The following LMX1B variants were observed in gnomAD, a reference collection of about 807,000 sequenced individuals.
The protein encoded by LMX1B is LIM homeobox transcription factor 1-beta.
Under a neutral mutation model 51.4 loss-of-function variants are expected in LMX1B, and 12 were observed. The ratio of observed to expected loss-of-function variants is 0.23; its 90% CI spans 0.15 to 0.38. The LOEUF is 0.38. Among genes scored for constraint, LMX1B ranks in the 10% least tolerant of loss-of-function variants. LMX1B has a pLI of 1.00. For missense variants in LMX1B, 445 were observed against 571.1 expected, an observed-to-expected ratio of 0.78 and a Z score of 2.25; for synonymous variants, 237 against 235.4, an observed-to-expected ratio of 1.01 and a Z score of -0.06.
intron 2 of LMX1B, among the ~76,000 whole-genome samples, chr9:126,633,719 C>T (rs1038328948): frequency 1.3e-5 from 2 of 152,202 alleles, no homozygotes; most frequent in South Asian, 2.1e-4. Context: ...CATGGTTATA[C>T]AGCACGCACA....
intron 2 of LMX1B, among the ~76,000 whole-genome samples, chr9:126,667,215 A>G (rs1253752495): frequency 6.6e-6 from 1 of 152,186 alleles, no homozygotes. Context: ...GATGGGATCC[A>G]TATTTCCTCT....
rs530102495 is a variant in LMX1B at position 126,682,027 on chromosome 9, T to TCA, written c.327-8807_327-8806dup. 7.8e-3 allele frequency among the ~76,000 whole-genome samples: 1,066 copies of TCA among 136,634 alleles called. 22 individuals carry two copies. Among genetic ancestry groups the TCA allele is most frequent in the Non-Finnish European group, 0.012 (768 of 64,022 alleles). The allele number at this position is 136,634 out of a possible 152,430, so 89.6% of individuals were successfully genotyped here. On this transcript the variant is annotated intron_variant, in intron 2 of 7. Coordinates refer to ENST00000373474, the MANE Select transcript of LMX1B (RefSeq NM_001174147.2). ...CAGCTCTACCTGCACCTTGTCCCCA[T>TCA]CACTCATCTGCTCCAGCCACACCCC...
Position 126,638,388 on chromosome 9 carries a change from C to T in LMX1B, c.326+22819C>T, listed in dbSNP as rs1225270079. The stretch of plus-strand genomic sequence containing the variant: ...TCCCTGCAGCCTCTGCACCACCCTG[C>T]AGCCCAGGAGGCCAGTGCCCTCCCT... On this transcript the variant is annotated intron_variant, in intron 2 of 7. Coordinates refer to ENST00000373474, the MANE Select transcript of LMX1B (RefSeq NM_001174147.2). Among the ~76,000 whole-genome samples, 3 of 152,010 alleles carry T rather than the reference C, an allele frequency of 2.0e-5. No individual in the cohort carries two copies. The South Asian group carries it at 6.2e-4, about 31-fold the overall frequency.
chr9:126,622,081 G>A (rs1835426709), intron 2 of LMX1B, among the ~76,000 whole-genome samples: 1 of 152,174 alleles, frequency 6.6e-6, no homozygotes, highest in Non-Finnish European at 1.5e-5. Context: ...CTGACCTTGG[G>A]GCCCCAAAGG....
In LMX1B at chr9:126,671,705, A is replaced by G. The variant is rs1370431467; in HGVS notation, c.327-19131A>G. On this transcript the variant is annotated intron_variant, in intron 2 of 7. Coordinates refer to ENST00000373474, the MANE Select transcript of LMX1B (RefSeq NM_001174147.2). The surrounding 1 kb of genome is among the most constrained non-coding windows in gnomAD (Gnocchi z 4.4). Reference sequence around the variant, plus strand: ...CTGTGCCGAGCGGTGGAATTTTTCAATAACCAGCAGCTGGGTCACCAGGCA... The same window carrying G: ...CTGTGCCGAGCGGTGGAATTTTTCAGTAACCAGCAGCTGGGTCACCAGGCA... Among the ~76,000 whole-genome samples, 3 of 152,034 alleles carry G rather than the reference A, an allele frequency of 2.0e-5. No homozygotes were observed. The highest frequency in any genetic ancestry group is 4.8e-5 in the African/African-American group (2 of 41,400).
Position 126,693,574 on chromosome 9 carries a change from G to C in LMX1B, c.792G>C (p.Gln264His). The change falls in exon 5 of 8, where the codon CAG (glutamine) becomes CAC (histidine). Residue 264 changes from glutamine to histidine, a missense_variant. By Grantham distance (24) the Gln-to-His change is conservative (BLOSUM62 0). Around this residue, in one of 3 missense-constraint regions of LMX1B, gnomAD observed 10 missense variants for 39.9 expected, o/e 0.25. Transcript: ENST00000373474. Reference protein sequence around the residue: ...AETGLSVRVVQVWFQNQRAKM... With the variant: ...AETGLSVRVVHVWFQNQRAKM... ...CGGGCCTCAGTGTGCGCGTGGTCCA[G>C]GTCTGGTTTCAGAACCAAAGAGCAA... 1 of 1,614,168 alleles carries C rather than the reference G, an allele frequency of 6.2e-7. No homozygotes were observed. The highest frequency in any genetic ancestry group is 8.5e-7 in the Non-Finnish European group (1 of 1,180,010).
chr9:126,696,162 T>C, intron 7 of LMX1B, 132 bp from the exon 8 acceptor site: 1 of 1,173,160 alleles, frequency 8.5e-7, no homozygotes, highest in South Asian at 1.3e-5. Context: ...GCCCCAGTCC[T>C]TCTTGGCCGG....
chr9:126,648,656 A>T (rs779019341), intron 2 of LMX1B, among the ~76,000 whole-genome samples: 3 of 152,206 alleles, frequency 2.0e-5, no homozygotes, highest in African/African-American at 4.8e-5. Flanking sequence ...AGCAAGCTGG[A>T]TGGATAGATC....
At position 126,693,797 on chromosome 9, in the gene LMX1B, C is replaced by A; in HGVS notation, c.871C>A (p.Gln291Lys). ...HQQQQEQQNS[Q>K]RLGQEVLSSR... ...GCAGCAGCAGGAGCAGCAGAACTCC[C>A]AGCGGCTGGGCCAGGGTGAGCCGGG... Residue 291 changes from glutamine to lysine, a missense_variant, in exon 6 of 8, where the codon CAG (glutamine) becomes AAG (lysine). Gln to Lys is a moderately conservative substitution (Grantham distance 53). Transcript: ENST00000373474. The A allele has an allele frequency of 7.1e-7, 1 of 1,403,684 alleles. No homozygotes were observed. The highest frequency in any genetic ancestry group is 9.8e-7 in the Non-Finnish European group (1 of 1,021,952). 87.0% of individuals were successfully genotyped at this position (1,403,684 alleles called of 1,614,324 possible). A position where few individuals can be genotyped will look rare whatever the true frequency, so the allele number is the denominator to read the frequency against.
chr9:126,617,207 G>C (rs1835319105), intron 2 of LMX1B, among the ~76,000 whole-genome samples: 1 of 151,994 alleles, frequency 6.6e-6, no homozygotes, highest in Non-Finnish European at 1.5e-5. Flanking sequence ...CCCTCTGTAG[G>C]GTGCACCAGC....
Position 126,618,735 on chromosome 9 carries a change from C to T in LMX1B, c.326+3166C>T, listed in dbSNP as rs1341581738. Among the ~76,000 whole-genome samples, 1 of 152,172 alleles carries T rather than the reference C, an allele frequency of 6.6e-6. No individual in the cohort carries two copies. Among genetic ancestry groups the T allele is most frequent in the Non-Finnish European group, 1.5e-5 (1 of 68,026 alleles). Reference sequence around the variant, plus strand: ...AACTCTCTTTTCTTGCCGTCTGTCGCTCGTCTGGAAAGGGTTTTTATCCTG... The same window carrying T: ...AACTCTCTTTTCTTGCCGTCTGTCGTTCGTCTGGAAAGGGTTTTTATCCTG... On this transcript the variant is annotated intron_variant, in intron 2 of 7. Coordinates refer to ENST00000373474, the MANE Select transcript of LMX1B (RefSeq NM_001174147.2). This position sits in a 1 kb window ranked among gnomAD's most constrained non-coding sequence, Gnocchi z 4.5.
chr9:126,657,524 A>C (rs1000418709), intron 2 of LMX1B, among the ~76,000 whole-genome samples: 2 of 152,014 alleles, frequency 1.3e-5, no homozygotes, highest in African/African-American at 4.8e-5. Flanking sequence ...TGGGGTCAGG[A>C]CTGGGGTTGG....
At chr9:126,696,040 A>T (rs1388109186) in intron 7 of LMX1B, 37 bp downstream of exon 7, 1 of 818,758 alleles carries the variant, frequency 1.2e-6, no homozygotes, top group Non-Finnish European at 1.5e-6. Flanking sequence ...GCCCCAGCAC[A>T]GCCCCTGCCC....
At chr9:126,681,188 G>A (rs1206304972) in intron 2 of LMX1B, among the ~76,000 whole-genome samples, 1 of 152,112 alleles carries the variant, frequency 6.6e-6, no homozygotes, top group Non-Finnish European at 1.5e-5. Context: ...TTGTATCTCT[G>A]GGTGTGTCTC....
rs1052540531 is a variant in LMX1B, at chr9:126,671,768, G to A, written c.327-19068G>A. 6.6e-6 allele frequency among the ~76,000 whole-genome samples: 1 copy of A among 152,124 alleles called. No individual in the cohort carries two copies. Among genetic ancestry groups the A allele is most frequent in the African/African-American group, 2.4e-5 (1 of 41,428 alleles). On this transcript the variant is annotated intron_variant, in intron 2 of 7. Transcript: ENST00000373474. The surrounding 1 kb of genome is among the most constrained non-coding windows in gnomAD (Gnocchi z 4.4). ...GTAATATCCTGTGGGCTTACTCGGG[G>A]AGAGTGAGCGAGCCAGCTCCCTCCA...
intron 2 of LMX1B, among the ~76,000 whole-genome samples, chr9:126,679,470 T>C (rs920406663): frequency 6.7e-6 from 1 of 148,950 alleles, no homozygotes; most frequent in Non-Finnish European, 1.5e-5. Context: ...CATGCGTGGA[T>C]GTTTGTATGG....
Position 126,673,558 on chromosome 9 carries a change from G to GC in LMX1B, c.327-17276dup, listed in dbSNP as rs1367736945. Among the ~76,000 whole-genome samples, 4 of 152,268 alleles carry GC rather than the reference G, an allele frequency of 2.6e-5. No homozygotes were observed. Among genetic ancestry groups the GC allele is most frequent in the African/African-American group, 9.6e-5 (4 of 41,552 alleles). ...ACACAGATTTGGGGCCAAACATGAGGCCACGGGGTTTTTGAGGGGGTGGTT... is the reference window on the plus strand; with the variant it reads ...ACACAGATTTGGGGCCAAACATGAGGCCCACGGGGTTTTTGAGGGGGTGGTT... On this transcript the variant is annotated intron_variant, in intron 2 of 7. Transcript: ENST00000373474. The surrounding 1 kb of genome is among the most constrained non-coding windows in gnomAD (Gnocchi z 4.4).
rs115881257 is a variant in LMX1B at position 126,629,692 on chromosome 9, T to C, written c.326+14123T>C. On this transcript the variant is annotated intron_variant, in intron 2 of 7. Transcript: ENST00000373474. ...TGGTAAAGCTTTGATGGGGATTCAC[T>C]CACTGAATCTTCTTACTGCTCTGGG... is the stretch of plus-strand genomic sequence containing the variant. Among the ~76,000 whole-genome samples, 924 of 152,254 alleles carry C rather than the reference T, an allele frequency of 6.1e-3. 11 individuals are homozygous for C. Among genetic ancestry groups the C allele is most frequent in the African/African-American group, 0.021 (872 of 41,540 alleles).
chr9:126,654,415 T>C (rs184047733), intron 2 of LMX1B, among the ~76,000 whole-genome samples: 7 of 152,278 alleles, frequency 4.6e-5, no homozygotes, highest in Admixed American at 3.9e-4. Flanking sequence ...TGTGTCTGGT[T>C]TAGTGTGGTG....
Sources: gnomAD v4.1 joint callset for allele counts (sites outside exome capture counted in the v4.1 genomes callset) on GRCh38, gnomAD v4.1.1 for gene constraint, gnomAD v4.1.1 regional missense constraint, Gnocchi (gnomAD v3.1) non-coding constraint, MANE v1.5 for transcripts, NCBI Gene and HGNC (gene_info 2026-07-23, HGNC 2026-07-21) for gene names.